The following ENDOV variants were observed in gnomAD, a reference collection of about 807,000 sequenced individuals.
ENDOV encodes hEndoV.
In ENDOV, 37 loss-of-function variants were observed where a neutral mutation model predicts 39.4. That is an observed-to-expected ratio of 0.94 (90% CI 0.72 to 1.23). ENDOV has a LOEUF of 1.23. Among genes scored for constraint, ENDOV ranks in the 50% most tolerant of loss-of-function variants. ENDOV has a pLI of 0.00. For missense variants in ENDOV, 441 were observed against 375.7 expected (o/e 1.17, Z -1.44); for synonymous variants, 186 against 163.4 (o/e 1.14, Z -1.05).
intron 9 of ENDOV, among the ~76,000 whole-genome samples, chr17:80,431,460 C>T (rs568505020): frequency 2.1e-4 from 32 of 152,296 alleles, no homozygotes; most frequent in Non-Finnish European, 4.6e-4. Context: ...CTGGGGGGAG[C>T]GGATGCCGAG....
chr17:80,415,358 C>T, intron 1 of ENDOV, 108 bp downstream of exon 1: 13 of 1,346,582 alleles, frequency 9.7e-6, no homozygotes, highest in Non-Finnish European at 1.3e-5. Context: ...CTGCCACCGC[C>T]CGAGACTCCA....
intron 4 of ENDOV, 26 bp from the exon 5 acceptor site, chr17:80,423,487 CTCCCCAA>C: frequency 3.0e-6 from 4 of 1,344,220 alleles, no homozygotes; most frequent in Admixed American, 2.1e-5. Context: ...CCAGCCCCAC[CTCCCCAA>C]CCCCACCCTC....
At chr17:80,432,813 C>T (rs41301926) in intron 9 of ENDOV, among the ~76,000 whole-genome samples, 7,917 of 152,078 alleles carry the variant, frequency 0.052, 321 homozygotes, top group Non-Finnish European at 0.072. Flanking sequence ...CTGCAGGTGG[C>T]CCAGCAGTAC....
intron 2 of ENDOV, chr17:80,420,360 AT>A (rs1159108500): frequency 6.6e-6 from 1 of 152,208 alleles, no homozygotes; most frequent in Non-Finnish European, 1.5e-5. Context: ...CTCTGTGGGG[AT>A]GTCAGTGATC....
intron 5 of ENDOV, chr17:80,424,179 GT>G: frequency 2.5e-6 from 1 of 399,412 alleles, no homozygotes; most frequent in Non-Finnish European, 4.4e-6. Flanking sequence ...ACCCCCAGCT[GT>G]TTCACTGGAT....
intron 7 of ENDOV, 85 bp downstream of exon 7, chr17:80,425,705 T>G (rs2082615357): frequency 6.5e-7 from 1 of 1,526,924 alleles, no homozygotes; most frequent in East Asian, 2.4e-5. Flanking sequence ...GCAGCTCAGC[T>G]GGGGTCAGAG....
At position 80,425,035 on chromosome 17, in the gene ENDOV, C is replaced by A. The variant is rs199843685; in HGVS notation, c.520C>A (p.Arg174=). The stretch of plus-strand genomic sequence containing the variant: ...CATTTTTCCCTCCATTTTCCAGATC[C>A]GACTCCTGCAGACTCGAGGAGACTC... The part of the protein sequence containing the change: ...ENNALHKEKI[R]LLQTRGDSFP... Residue 174 remains arginine (R), a synonymous_variant, in exon 6 of 10, where the codon CGA becomes AGA. Coordinates refer to ENST00000518137, the MANE Select transcript of ENDOV (RefSeq NM_173627.5). The A allele has an allele frequency of 1.2e-6, 2 of 1,611,968 alleles. No individual in the cohort carries two copies. The highest frequency in any genetic ancestry group is 1.7e-5 in the Admixed American group (1 of 59,818).
intron 6 of ENDOV, 152 bp from the exon 7 acceptor site, chr17:80,425,340 A>G (rs1469886883): frequency 2.5e-6 from 3 of 1,190,008 alleles, no homozygotes; most frequent in Non-Finnish European, 3.4e-6. Context: ...AGGCGCCCTG[A>G]GGGTGGGCAG....
rs41303546 is a variant in ENDOV, at chr17:80,435,911, C to T, written c.839-222C>T. Among the ~76,000 whole-genome samples the T allele has an allele frequency of 2.0e-3, 304 of 152,032 alleles. 1 individual carries two copies. Among genetic ancestry groups the T allele is most frequent in the African/African-American group, 6.9e-3 (284 of 41,448 alleles). ...GATTACAGGCGTGAGCCATTGTGTC[C>T]GGCCTAGTTTTTCAAGATTTTTTTG... On this transcript the variant is annotated intron_variant, in intron 9 of 9. Coordinates refer to ENST00000518137, the MANE Select transcript of ENDOV (RefSeq NM_173627.5).
At chr17:80,428,730 G>A (rs1227114709) in intron 8 of ENDOV, 70 bp downstream of exon 8, 6 of 1,434,764 alleles carry the variant, frequency 4.2e-6, no homozygotes, top group East Asian at 5.0e-5. Context: ...GTTTCCGGTG[G>A]CTCAGCCTCT....
At chr17:80,415,506 T>C in intron 1 of ENDOV, 144 bp from the exon 2 acceptor site, 1 of 1,162,108 alleles carries the variant, frequency 8.6e-7, no homozygotes, top group Non-Finnish European at 1.2e-6. Flanking sequence ...TCCTAGGGAC[T>C]GTGGCCTCGG....
At chr17:80,427,326 G>A (rs1040973620) in intron 7 of ENDOV, 1 of 682,064 alleles carries the variant, frequency 1.5e-6, no homozygotes, top group Non-Finnish European at 1.8e-6. Context: ...TGCTGCTGCT[G>A]CAGACAGCAC....
In ENDOV at chr17:80,436,207, G is replaced by T. The variant is rs916834576; in HGVS notation, c.*64G>T. On this transcript the variant is annotated 3_prime_UTR_variant, in exon 10 of 10. Transcript: ENST00000518137. ...ATCGAACGCGGTGGTGAGAGCACAC[G>T]TCCTCGTCTCGTTCCTGATCGAACG... The T allele has an allele frequency of 1.3e-6, 2 of 1,579,892 alleles. No individual in the cohort carries two copies. Among genetic ancestry groups the T allele is most frequent in the Non-Finnish European group, 8.6e-7 (1 of 1,164,908 alleles).
chr17:80,424,188 G>A (rs1308120687), intron 5 of ENDOV: 13 of 399,242 alleles, frequency 3.3e-5, no homozygotes, highest in Non-Finnish European at 5.7e-5. Flanking sequence ...TGTTTCACTG[G>A]ATGGCAGATT....
Position 80,423,094 on chromosome 17 carries a change from G to A in ENDOV, c.404-426G>A, listed in dbSNP as rs1037760726. On this transcript the variant is annotated intron_variant, in intron 4 of 9. Transcript: ENST00000518137. The stretch of plus-strand genomic sequence containing the variant: ...GGAGGGGTGACATTGGGCCTTCCTG[G>A]CCAGCAAGTGTGACTCGGCCCTGGC... Among the ~76,000 whole-genome samples the A allele has an allele frequency of 2.3e-4, 35 of 152,346 alleles. 1 individual carries two copies. Among genetic ancestry groups the A allele is most frequent in the East Asian group, 7.7e-4 (4 of 5,180 alleles).
rs970146342 is a variant in ENDOV at position 80,423,754 on chromosome 17, C to T, written c.516+122C>T. On this transcript the variant is annotated intron_variant, in intron 5 of 9. Coordinates refer to ENST00000518137, the MANE Select transcript of ENDOV (RefSeq NM_173627.5). ...CTGACGCTGCCCTCCTCATCCCTGG[C>T]TTGTGGCCTGGAGTAAGAAAGACCT... is the stretch of plus-strand genomic sequence containing the variant. 206 of 933,962 alleles carry T rather than the reference C, an allele frequency of 2.2e-4. 1 individual carries two copies. The highest frequency in any genetic ancestry group is 3.0e-4 in the Non-Finnish European group (190 of 631,674). The allele number at this position is 933,962 out of a possible 1,614,324, so 57.9% of individuals were successfully genotyped here. A position where few individuals can be genotyped will look rare whatever the true frequency, so the allele number is the denominator to read the frequency against.
chr17:80,415,840 G>A lies in ENDOV; in HGVS notation c.228+19G>A. The A allele has an allele frequency of 6.3e-7, 1 of 1,578,882 alleles. No homozygotes were observed. The highest frequency in any genetic ancestry group is 8.6e-7 in the Non-Finnish European group (1 of 1,162,744). On this transcript the variant is annotated intron_variant, in intron 2 of 9. Transcript: ENST00000518137. ...GCTCGAGGTAACCTGGGAGGACGCC[G>A]AGCTCGAGGCGGGCCCCTCGGTGGG...
At position 80,422,260 on chromosome 17, in the gene ENDOV, G is replaced by A. The variant is rs774452424; in HGVS notation, c.403+15G>A. The A allele has an allele frequency of 2.5e-6, 4 of 1,613,298 alleles. No homozygotes were observed. The African/African-American group carries it at 4.0e-5, about 16-fold the overall frequency. ...CCACCACCGAGGTAATCCTGCTCTT[G>A]GAGGTCCAGGGAGGGCACTGTGGGG... On this transcript the variant is annotated intron_variant, in intron 4 of 9. Transcript: ENST00000518137.
Position 80,415,263 on chromosome 17 carries a change from G to C in ENDOV, c.56+13G>C, listed in dbSNP as rs185469994. On this transcript the variant is annotated intron_variant, in intron 1 of 9. Coordinates refer to ENST00000518137, the MANE Select transcript of ENDOV (RefSeq NM_173627.5). ...CACTGTGGAAACGGTAATGCTGTCAGGCGACGCGCAGGAGGCGGGGGCCGA... is the reference window on the plus strand; with the variant it reads ...CACTGTGGAAACGGTAATGCTGTCACGCGACGCGCAGGAGGCGGGGGCCGA... 1 of 1,613,152 alleles carries C rather than the reference G, an allele frequency of 6.2e-7. No individual in the cohort carries two copies. The highest frequency in any genetic ancestry group is 2.2e-5 in the East Asian group (1 of 44,866).
Sources: gnomAD v4.1 joint callset for allele counts (sites outside exome capture counted in the v4.1 genomes callset) on GRCh38, gnomAD v4.1.1 for gene constraint, MANE v1.5 for transcripts, NCBI Gene and HGNC (gene_info 2026-07-23, HGNC 2026-07-21) for gene names.